The following SH3BGR variants were observed in gnomAD, a reference collection of about 807,000 sequenced individuals.
SH3BGR encodes the protein SH3 domain binding glutamate rich protein, also known as SH3 domain-binding glutamic acid-rich protein.
SH3BGR carries 29 observed loss-of-function variants against 24.5 expected under a neutral mutation model. That is an observed-to-expected ratio of 1.18 (90% CI 0.88 to 1.61). The LOEUF (loss-of-function observed/expected upper bound fraction) is 1.61, where lower values mean the gene tolerates loss of function less well. Among genes scored for constraint, SH3BGR ranks in the 40% most tolerant of loss-of-function variants. The pLI is 0.00. For missense variants in SH3BGR, 162 were observed against 205.8 expected (o/e 0.79, Z 1.30); for synonymous variants, 55 against 65.7 (o/e 0.84, Z 0.79).
intron 5 of SH3BGR, among the ~76,000 whole-genome samples, chr21:39,509,762 A>T (rs552657790): frequency 6.6e-6 from 1 of 152,156 alleles, no homozygotes; most frequent in South Asian, 2.1e-4. Flanking sequence ...GGTGTGAGCC[A>T]CTGCACTGGG....
At chr21:39,461,520 C>T (rs920317454) in intron 1 of SH3BGR, among the ~76,000 whole-genome samples, 17 of 152,154 alleles carry the variant, frequency 1.1e-4, no homozygotes, top group Non-Finnish European at 2.4e-4. Context: ...TCTGCCCCAC[C>T]ACACGTGCAG....
chr21:39,451,021 A>T (rs778579855), upstream of SH3BGR, among the ~76,000 whole-genome samples: 1 of 151,954 alleles, frequency 6.6e-6, no homozygotes, highest in Non-Finnish European at 1.5e-5. Flanking sequence ...GTACCTCAGT[A>T]TGTTACCCAG....
chr21:39,499,256 ATCTG>A (rs1237251438), intron 3 of SH3BGR, among the ~76,000 whole-genome samples: 2 of 31,552 alleles, frequency 6.3e-5, no homozygotes, highest in East Asian at 1.7e-3. Context: ...CCTATCTATC[ATCTG>A]TCTATCTGTC....
At chr21:39,509,943 T>G (rs1602180808) in intron 5 of SH3BGR, among the ~76,000 whole-genome samples, 2 of 149,566 alleles carry the variant, frequency 1.3e-5, no homozygotes, top group South Asian at 4.2e-4. Context: ...AAACTTTTGT[T>G]AACTTTTTTT....
chr21:39,464,683 T>C (rs889809489), intron 2 of SH3BGR, among the ~76,000 whole-genome samples: 2 of 152,180 alleles, frequency 1.3e-5, no homozygotes, highest in Non-Finnish European at 2.9e-5. Flanking sequence ...ACAATCTTAA[T>C]GTGGTAGCAT....
At position 39,511,553 on chromosome 21, in the gene SH3BGR, T is replaced by G. The variant is rs578064014; in HGVS notation, c.436-127T>G. On this transcript the variant is annotated intron_variant, in intron 5 of 6. Transcript: ENST00000333634. This position sits in a 1 kb window ranked among gnomAD's most constrained non-coding sequence, Gnocchi z 4.2. ...GTGTGTATTTGTGTGTTGTGTGTGTTTGTTTGTGTGTTGTGTGGTGGGGTG... is the reference window on the plus strand; with the variant it reads ...GTGTGTATTTGTGTGTTGTGTGTGTGTGTTTGTGTGTTGTGTGGTGGGGTG... 3.4e-4 allele frequency: 262 copies of G among 767,326 alleles called. 2 individuals carry two copies. Among genetic ancestry groups the G allele is most frequent in the East Asian group, 4.2e-4 (16 of 37,784 alleles). 47.5% of individuals were successfully genotyped at this position (767,326 alleles called of 1,614,324 possible).
chr21:39,484,851 G>A (rs559115570), intron 3 of SH3BGR, among the ~76,000 whole-genome samples: 218 of 152,264 alleles, frequency 1.4e-3, no homozygotes, highest in Middle Eastern at 0.01. Context: ...TTGAAAAGAC[G>A]ACATCTGATT....
chr21:39,492,088 G>GT (rs928169048), intron 3 of SH3BGR, among the ~76,000 whole-genome samples: 1 of 152,110 alleles, frequency 6.6e-6, no homozygotes, highest in Non-Finnish European at 1.5e-5. Flanking sequence ...TATTTTTTAA[G>GT]TTTTTTATTT....
chr21:39,502,897 T>C (rs577589342), intron 4 of SH3BGR, among the ~76,000 whole-genome samples: 5 of 152,284 alleles, frequency 3.3e-5, no homozygotes, highest in African/African-American at 1.2e-4. Flanking sequence ...TCTGTTTCTG[T>C]GTATGAGCAG....
At chr21:39,447,893 T>C (rs2077529415), upstream of SH3BGR, among the ~76,000 whole-genome samples, 1 of 152,170 alleles carries the variant, frequency 6.6e-6, no homozygotes, top group Non-Finnish European at 1.5e-5. Context: ...TACCACGAAC[T>C]TAGGGGCTTA....
intron 1 of SH3BGR, among the ~76,000 whole-genome samples, chr21:39,456,308 G>A (rs1404530877): frequency 1.3e-5 from 2 of 152,188 alleles, no homozygotes; most frequent in African/African-American, 4.8e-5. Context: ...TTAATTAAAA[G>A]TAAAACTGCC....
At chr21:39,509,269 A>G (rs1401690857) in intron 5 of SH3BGR, among the ~76,000 whole-genome samples, 1 of 152,084 alleles carries the variant, frequency 6.6e-6, no homozygotes, top group Non-Finnish European at 1.5e-5. Context: ...CCTCAGGTGA[A>G]GGTGTCTTCC....
chr21:39,509,030 A>G lies in SH3BGR; in HGVS notation c.435+3A>G. The G allele has an allele frequency of 6.2e-7, 1 of 1,607,528 alleles. No homozygotes were observed. The highest frequency in any genetic ancestry group is 1.3e-5 in the African/African-American group (1 of 74,958). The stretch of plus-strand genomic sequence containing the variant: ...AAGGAGAGACAGCCACAGAAGAGGT[A>G]CGGTCGACCATCTTTAACAGCTGTG... On this transcript the variant is annotated splice_donor_region_variant and intron_variant, in intron 5 of 6. Transcript: ENST00000333634.
In SH3BGR at chr21:39,499,272, A is replaced by ATCTATCTATCTATCTATCTG. The variant is rs1487738408; in HGVS notation, c.313-542_313-541insCTATCTATCTGTCTATCTAT. On this transcript the variant is annotated intron_variant, in intron 3 of 6. Transcript: ENST00000333634. ...CTATCTATCATCTGTCTATCTGTCT[A>ATCTATCTATCTATCTATCTG]TCTATCTATGTCTGTCTGCCTGCCT... Among the ~76,000 whole-genome samples the ATCTATCTATCTATCTATCTG allele has an allele frequency of 1.1e-3, 158 of 150,256 alleles. 3 individuals are homozygous for ATCTATCTATCTATCTATCTG. In the East Asian group the frequency reaches 0.014, roughly 13 times the overall value.
chr21:39,477,183 T>G (rs556288818), intron 3 of SH3BGR, among the ~76,000 whole-genome samples: 1 of 152,248 alleles, frequency 6.6e-6, no homozygotes, highest in Non-Finnish European at 1.5e-5. Context: ...ATATGTTTAA[T>G]TTTTACTTAT....
rs1458548727 is a variant in SH3BGR at position 39,510,433 on chromosome 21, CACACACACACACACACACACACTGTAGCT to C, written c.436-1228_436-1200del. ...CACACACACACACACTGTAGCTACA[CACACACACACACACACACACACTGTAGCT>C]ACACACACACACACACACCCCATCA... On this transcript the variant is annotated intron_variant, in intron 5 of 6. Transcript: ENST00000333634. 6.1e-4 allele frequency among the ~76,000 whole-genome samples: 55 copies of C among 90,456 alleles called. 1 individual carries two copies. The highest frequency in any genetic ancestry group is 5.7e-3 in the South Asian group (17 of 2,974). 59.3% of individuals were successfully genotyped at this position (90,456 alleles called of 152,430 possible). A position where few individuals can be genotyped will look rare whatever the true frequency, so the allele number is the denominator to read the frequency against.
intron 2 of SH3BGR, among the ~76,000 whole-genome samples, chr21:39,472,054 C>G (rs1438499260): frequency 2.0e-5 from 3 of 152,150 alleles, no homozygotes; most frequent in African/African-American, 7.2e-5. Flanking sequence ...TCTTCATGCT[C>G]TCACTATGTT....
chr21:39,513,081 G>T (rs1465920114), intron 6 of SH3BGR, among the ~76,000 whole-genome samples: 6 of 152,098 alleles, frequency 3.9e-5, no homozygotes, highest in African/African-American at 1.2e-4. Context: ...TTTTTGGGCT[G>T]TTACTCTCAG....
intron 3 of SH3BGR, among the ~76,000 whole-genome samples, chr21:39,493,464 A>T (rs2078338732): frequency 6.6e-6 from 1 of 152,118 alleles, no homozygotes; most frequent in Admixed American, 6.5e-5. Context: ...ATTCTGTTTC[A>T]TTGGTCTATG....
Sources: allele counts gnomAD v4.1 joint callset (sites outside exome capture counted in the v4.1 genomes callset), GRCh38; gene constraint gnomAD v4.1.1; non-coding constraint Gnocchi (gnomAD v3.1); transcripts MANE v1.5; gene names NCBI Gene and HGNC (gene_info 2026-07-23, HGNC 2026-07-21).